The following RNF220 variants were observed in gnomAD, a reference collection of about 807,000 sequenced individuals.
The protein encoded by RNF220 is E3 ubiquitin-protein ligase RNF220.
Under a neutral mutation model 67.1 loss-of-function variants are expected in RNF220, and 7 were observed. The ratio of observed to expected loss-of-function variants is 0.10; its 90% confidence interval spans 0.06 to 0.20. RNF220 has a LOEUF of 0.20. RNF220 is among the 10% of genes least tolerant of loss of function. The pLI is 1.00. For synonymous variants in RNF220, 270 were observed against 283.2 expected, an observed-to-expected ratio of 0.95 and a Z score of 0.47; for missense variants, 565 against 740.3, an observed-to-expected ratio of 0.76 and a Z score of 2.75.
intron 12 of RNF220, among the ~76,000 whole-genome samples, chr1:44,647,558 GAGGGA>G (rs1254007503): frequency 6.6e-6 from 1 of 152,188 alleles, no homozygotes; most frequent in East Asian, 1.9e-4. Flanking sequence ...AGGCAAGGCA[GAGGGA>G]ATCATGGACC....
intron 2 of RNF220, among the ~76,000 whole-genome samples, chr1:44,602,089 G>A (rs1220305227): frequency 6.6e-6 from 1 of 152,050 alleles, no homozygotes; most frequent in African/African-American, 2.4e-5. Context: ...TGGGGGAGAG[G>A]GAGTTCCGTC....
intron 2 of RNF220, among the ~76,000 whole-genome samples, chr1:44,520,725 T>C (rs1022245128): frequency 6.6e-6 from 1 of 152,226 alleles, no homozygotes; most frequent in Non-Finnish European, 1.5e-5. Context: ...TTATAATTCC[T>C]GTTTTTCTCA....
intron 2 of RNF220, among the ~76,000 whole-genome samples, chr1:44,555,968 A>G (rs768022880): frequency 6.7e-6 from 1 of 149,810 alleles, no homozygotes; most frequent in Non-Finnish European, 1.5e-5. Context: ...CCCAGAATGT[A>G]TTTCTATCAC....
rs908097746 is a variant in RNF220 at position 44,606,326 on chromosome 1, T to C, written c.626-7839T>C. ...AGGTAAAAAATGCCATCTGTCAGCA[T>C]GTTAACTCTTGCTGTCCCATACTCA... is the stretch of plus-strand genomic sequence containing the variant. On this transcript the variant is annotated intron_variant, in intron 2 of 14. Coordinates refer to ENST00000361799, the MANE Select transcript of RNF220 (RefSeq NM_018150.4). The surrounding 1 kb of genome is among the most constrained non-coding windows in gnomAD (Gnocchi z 4.2). Among the ~76,000 whole-genome samples, 45 of 152,226 alleles carry C rather than the reference T, an allele frequency of 3.0e-4. No individual in the cohort carries two copies. The highest frequency in any genetic ancestry group is 1.1e-3 in the African/African-American group (44 of 41,442).
intron 2 of RNF220, among the ~76,000 whole-genome samples, chr1:44,610,880 C>G (rs1022773171): frequency 6.6e-6 from 1 of 152,186 alleles, no homozygotes; most frequent in East Asian, 1.9e-4. Flanking sequence ...AAGACCACAG[C>G]CCCCTCGTCT....
At chr1:44,432,596 T>G (rs774915446) in intron 2 of RNF220, among the ~76,000 whole-genome samples, 6 of 151,888 alleles carry the variant, frequency 4.0e-5, no homozygotes, top group Non-Finnish European at 7.4e-5. Context: ...AGCAGGGTCT[T>G]GCTATGTTGC....
intron 2 of RNF220, among the ~76,000 whole-genome samples, chr1:44,422,297 AG>A (rs1649310860): frequency 6.6e-6 from 1 of 152,182 alleles, no homozygotes; most frequent in African/African-American, 2.4e-5. Flanking sequence ...GACTGCAGTT[AG>A]GGCCTAGGCT....
At chr1:44,451,746 G>A (rs1420718974) in intron 2 of RNF220, among the ~76,000 whole-genome samples, 5 of 151,972 alleles carry the variant, frequency 3.3e-5, no homozygotes, top group African/African-American at 9.7e-5. Flanking sequence ...TCAGCCTTCC[G>A]AGTAGCTGGG....
chr1:44,572,312 C>G (rs1184061762), intron 2 of RNF220, among the ~76,000 whole-genome samples: 1 of 152,242 alleles, frequency 6.6e-6, no homozygotes, highest in Non-Finnish European at 1.5e-5. Context: ...CAGCACCCAG[C>G]ACAGTGCCTG....
chr1:44,507,678 G>C (rs903946401), intron 2 of RNF220, among the ~76,000 whole-genome samples: 3 of 152,186 alleles, frequency 2.0e-5, no homozygotes, highest in African/African-American at 4.8e-5. Flanking sequence ...GACGCAGAGG[G>C]GGGTACGGAA....
rs142698042 is a variant in RNF220 at position 44,649,293 on chromosome 1, A to C, written c.1446-368A>C. ...GCCTGGAGGCAGAAAGGCTGTCTGG[A>C]AAAAGTTAGTGGTGGAATTGGTGGA... On this transcript the variant is annotated intron_variant, in intron 12 of 14. Coordinates refer to ENST00000361799, the MANE Select transcript of RNF220 (RefSeq NM_018150.4). This position sits in a 1 kb window ranked among gnomAD's most constrained non-coding sequence, Gnocchi z 5.9. 1.2e-3 allele frequency: 337 copies of C among 285,754 alleles called. 2 individuals carry two copies. The highest frequency in any genetic ancestry group is 6.2e-3 in the African/African-American group (279 of 44,700). The allele number at this position is 285,754 out of a possible 1,614,324, so 17.7% of individuals were successfully genotyped here. A position where few individuals can be genotyped will look rare whatever the true frequency, so the allele number is the denominator to read the frequency against.
At chr1:44,619,253 G>C (rs1643692364) in intron 3 of RNF220, among the ~76,000 whole-genome samples, 1 of 152,204 alleles carries the variant, frequency 6.6e-6, no homozygotes, top group South Asian at 2.1e-4. Context: ...GAGGTTTCTG[G>C]AGCCATTCAA....
At chr1:44,509,703 C>G (rs993589708) in intron 2 of RNF220, among the ~76,000 whole-genome samples, 3 of 151,540 alleles carry the variant, frequency 2.0e-5, no homozygotes, top group African/African-American at 7.3e-5. Flanking sequence ...GCCTGGCCAA[C>G]ATGGCAAAAC....
chr1:44,542,981 C>T (rs1488132402), intron 2 of RNF220, among the ~76,000 whole-genome samples: 1 of 152,182 alleles, frequency 6.6e-6, no homozygotes. Flanking sequence ...CTGGAGGGCC[C>T]TGTCTCTCGG....
At chr1:44,504,830 A>C (rs1400116452) in intron 2 of RNF220, among the ~76,000 whole-genome samples, 1 of 151,744 alleles carries the variant, frequency 6.6e-6, no homozygotes, top group Non-Finnish European at 1.5e-5. Flanking sequence ...TTTTTTTCAA[A>C]TTTGTCTCTG....
At chr1:44,519,036 GT>G (rs2148148672) in intron 2 of RNF220, among the ~76,000 whole-genome samples, 1 of 149,662 alleles carries the variant, frequency 6.7e-6, no homozygotes, top group African/African-American at 2.4e-5. Flanking sequence ...AAACTCACAG[GT>G]TTCTAATTTG....
intron 2 of RNF220, among the ~76,000 whole-genome samples, chr1:44,452,645 AT>A (rs1652807474): frequency 6.6e-6 from 1 of 151,746 alleles, no homozygotes; most frequent in African/African-American, 2.4e-5. Flanking sequence ...TACTTTGTGG[AT>A]TTTTAGTAGA....
At chr1:44,573,203 T>TTATC (rs1389567663) in intron 2 of RNF220, among the ~76,000 whole-genome samples, 2 of 152,234 alleles carry the variant, frequency 1.3e-5, no homozygotes, top group Non-Finnish European at 2.9e-5. Flanking sequence ...TTCACATGCA[T>TTATC]TATCTCATTT....
chr1:44,488,727 C>CTTTTTTTTTTT (rs55968850), intron 2 of RNF220, among the ~76,000 whole-genome samples: 12 of 102,562 alleles, frequency 1.2e-4, no homozygotes, highest in African/African-American at 1.4e-4. Context: ...TTTCTTTTTT[C>CTTTTTTTTTTT]TTTTTTTTTT....
Sources: gnomAD v4.1 joint callset for allele counts (sites outside exome capture counted in the v4.1 genomes callset) on GRCh38, gnomAD v4.1.1 for gene constraint, Gnocchi (gnomAD v3.1) non-coding constraint, MANE v1.5 for transcripts, NCBI Gene and HGNC (gene_info 2026-07-23, HGNC 2026-07-21) for gene names.